The following ABRAXAS1 variants were observed in gnomAD, a reference collection of about 807,000 sequenced individuals.
The protein encoded by ABRAXAS1 is BRCA1-A complex subunit Abraxas 1.
A neutral mutation model predicts 38.4 loss-of-function variants in ABRAXAS1; 26 were observed. The observed-to-expected ratio is 0.68, with a 90% CI of 0.50 to 0.94. ABRAXAS1 has a LOEUF of 0.94. Among genes scored for constraint, ABRAXAS1 ranks in the 40% least tolerant of loss-of-function variants. The pLI is 0.00. For synonymous variants in ABRAXAS1, 144 were observed against 165.5 expected (o/e 0.87, Z 1.00); for missense variants, 438 against 481.9 (o/e 0.91, Z 0.85).
At chr4:83,483,961 G>A in intron 1 of ABRAXAS1, 2 of 915,356 alleles carry the variant, frequency 2.2e-6, no homozygotes, top group Non-Finnish European at 2.6e-6. Flanking sequence ...TACTTTGTAA[G>A]GTTATCTGAA....
chr4:83,482,792 C>T (rs1227036900), intron 1 of ABRAXAS1, among the ~76,000 whole-genome samples: 1 of 152,026 alleles, frequency 6.6e-6, no homozygotes, highest in African/African-American at 2.4e-5. Context: ...CAGATTAGCC[C>T]TGTAGCCCTG....
Position 83,485,038 on chromosome 4 carries a change from C to T in ABRAXAS1, c.35G>A (p.Gly12Asp). ...GAAAGCGAGTGCGCCGAGCACAAAG[C>T]CCGAGAGCACCGCCGACGTACTCTC... ...EGESTSAVLS[G>D]FVLGALAFQH... The change falls in exon 1 of 9, where the codon GGC (glycine) becomes GAC (aspartate). Residue 12 changes from glycine (G) to aspartate (D), a missense_variant. By Grantham distance (94) the Gly-to-Asp change is moderately conservative. This residue lies in a region of ABRAXAS1 where 60 missense variants were observed against 31.1 expected (regional missense o/e 1.93). Coordinates refer to ENST00000321945, the MANE Select transcript of ABRAXAS1 (RefSeq NM_139076.3). 1 of 1,595,876 alleles carries T rather than the reference C, an allele frequency of 6.3e-7. No homozygotes were observed. Among genetic ancestry groups the T allele is most frequent in the Non-Finnish European group, 8.5e-7 (1 of 1,171,892 alleles).
Position 83,461,103 on chromosome 4 carries a change from T to G in ABRAXAS1, c.*1366A>C. On this transcript the variant is annotated 3_prime_UTR_variant, in exon 9 of 9. Coordinates refer to ENST00000321945, the MANE Select transcript of ABRAXAS1 (RefSeq NM_139076.3). Reference sequence around the variant, plus strand: ...TGCTCATTATGTTTTGTCAAGAACTTTAATTATCTCTTTACAGGGTTTATG... The same window carrying G: ...TGCTCATTATGTTTTGTCAAGAACTGTAATTATCTCTTTACAGGGTTTATG... 6.2e-7 allele frequency: 1 copy of G among 1,613,202 alleles called. No homozygotes were observed. The highest frequency in any genetic ancestry group is 8.5e-7 in the Non-Finnish European group (1 of 1,179,330).
At chr4:83,481,333 T>C (rs896201923) in intron 2 of ABRAXAS1, among the ~76,000 whole-genome samples, 1 of 152,162 alleles carries the variant, frequency 6.6e-6, no homozygotes, top group African/African-American at 2.4e-5. Context: ...AACCATTTTT[T>C]TCCCTATGCA....
intron 3 of ABRAXAS1, among the ~76,000 whole-genome samples, chr4:83,472,954 G>C (rs1257072817): frequency 6.6e-6 from 1 of 152,046 alleles, no homozygotes; most frequent in African/African-American, 2.4e-5. Context: ...TATTTTCTAT[G>C]ATGGTTAAAT....
intron 7 of ABRAXAS1, among the ~76,000 whole-genome samples, chr4:83,466,405 C>T (rs1722356254): frequency 6.6e-6 from 1 of 152,200 alleles, no homozygotes; most frequent in Admixed American, 6.5e-5. Context: ...CCCAAATATA[C>T]TTCCCTCTAT....
chr4:83,464,608 A>G (rs1414202934), intron 7 of ABRAXAS1, among the ~76,000 whole-genome samples: 2 of 152,174 alleles, frequency 1.3e-5, no homozygotes, highest in African/African-American at 4.8e-5. Context: ...CCTACTTTTT[A>G]CAAACTTTTT....
intron 1 of ABRAXAS1, chr4:83,484,708 A>C: frequency 1.2e-3 from 325 of 263,072 alleles, no homozygotes; most frequent in Middle Eastern, 3.2e-3. Flanking sequence ...TTCCACAGCT[A>C]CAGGGGCGCC....
rs1017833129 is a variant in ABRAXAS1 at position 83,462,099 on chromosome 4, C to CG, written c.*369_*370insC. The stretch of plus-strand genomic sequence containing the variant: ...TAATAGACATGGTCTCAATACGTTG[C>CG]CCAGGCTGGTCTCTAACTCCTAACT... On this transcript the variant is annotated 3_prime_UTR_variant, in exon 9 of 9. Transcript: ENST00000321945. 2.7e-4 allele frequency: 66 copies of CG among 241,766 alleles called. 1 individual carries two copies. Among genetic ancestry groups the CG allele is most frequent in the African/African-American group, 1.3e-3 (60 of 45,534 alleles). The allele number at this position is 241,766 out of a possible 1,614,324, so 15.0% of individuals were successfully genotyped here. A position where few individuals can be genotyped will look rare whatever the true frequency, so the allele number is the denominator to read the frequency against.
Position 83,470,303 on chromosome 4 carries a change from A to C in ABRAXAS1, c.376T>G (p.Ser126Ala), listed in dbSNP as rs1285144651. ...LLHKNLQEHF[S>A]NQDLVFLLLT... is the part of the protein sequence containing the mutation. Reference sequence around the variant, plus strand: ...AGCAGAAAAACAAGGTCTTGGTTTGAAAAATGCTCCTGCAAGTTTTTGTGA... The same window carrying C: ...AGCAGAAAAACAAGGTCTTGGTTTGCAAAATGCTCCTGCAAGTTTTTGTGA... The change falls in exon 5 of 9, where the codon TCA becomes GCA. Residue 126 changes from serine (S) to alanine (A), a missense_variant. By Grantham distance (99) the Ser-to-Ala change is moderately conservative (BLOSUM62 1). This residue lies in a region of ABRAXAS1 where 194 missense variants were observed against 269.0 expected (regional missense o/e 0.72). Transcript: ENST00000321945. 2 of 1,613,594 alleles carry C rather than the reference A, an allele frequency of 1.2e-6. No homozygotes were observed. Among genetic ancestry groups the C allele is most frequent in the Middle Eastern group, 1.7e-4 (1 of 6,034 alleles).
intron 3 of ABRAXAS1, among the ~76,000 whole-genome samples, chr4:83,473,984 A>C (rs1188498110): frequency 6.7e-6 from 1 of 149,738 alleles, no homozygotes; most frequent in African/African-American, 2.4e-5. Flanking sequence ...ATACACCAAC[A>C]AAAAAAAATT....
Position 83,459,613 on chromosome 4 carries a change from A to T in ABRAXAS1, c.*2856T>A. ...GAGGATAACAATATTTTTTTCTTATATTTTATGAAATGTGTCTGAAATTTA... is the reference window on the plus strand; with the variant it reads ...GAGGATAACAATATTTTTTTCTTATTTTTTATGAAATGTGTCTGAAATTTA... On this transcript the variant is annotated 3_prime_UTR_variant, in exon 9 of 9. Transcript: ENST00000321945. 1.3e-6 allele frequency: 1 copy of T among 767,484 alleles called. No homozygotes were observed. Among genetic ancestry groups the T allele is most frequent in the Non-Finnish European group, 2.1e-6 (1 of 474,750 alleles). The allele number at this position is 767,484 out of a possible 1,614,324, so 47.5% of individuals were successfully genotyped here.
Position 83,485,087 on chromosome 4 carries a change from A to C in ABRAXAS1, c.-15T>G, listed in dbSNP as rs1373169603. ...TCCCCCTCCATGCTACCGCCGCCTCAGGCTACACAAGAGGACGAGGGCGGG... is the reference window on the plus strand; with the variant it reads ...TCCCCCTCCATGCTACCGCCGCCTCCGGCTACACAAGAGGACGAGGGCGGG... On this transcript the variant is annotated 5_prime_UTR_variant, in exon 1 of 9. Transcript: ENST00000321945. 7.6e-6 allele frequency: 12 copies of C among 1,570,598 alleles called. No homozygotes were observed. The highest frequency in any genetic ancestry group is 1.4e-5 in the African/African-American group (1 of 71,192).
In ABRAXAS1 at chr4:83,460,398, A is replaced by G. The variant is rs1243490993; in HGVS notation, c.*2071T>C. 6.6e-6 allele frequency: 1 copy of G among 152,022 alleles called. No individual in the cohort carries two copies. Among genetic ancestry groups the G allele is most frequent in the South Asian group, 2.1e-4 (1 of 4,810 alleles). The allele number at this position is 152,022 out of a possible 1,614,324, so 9.4% of individuals were successfully genotyped here. On this transcript the variant is annotated 3_prime_UTR_variant, in exon 9 of 9. Coordinates refer to ENST00000321945, the MANE Select transcript of ABRAXAS1 (RefSeq NM_139076.3). ...TTGAATTCCTGACCTCAGGTGATCC[A>G]CCTGCCTAGGCCTCCCAAAGTGCTG...
In ABRAXAS1 at chr4:83,470,236, C is replaced by T. The variant is rs760079258; in HGVS notation, c.443G>A (p.Arg148Gln). The stretch of plus-strand genomic sequence containing the variant: ...AGGTTTATATAAGGAATGTTCCAGT[C>T]GATGAGTAGAGCAGCTTTCTGTTAT... ...SIITESCSTH[R>Q]LEHSLYKPQK... Residue 148 changes from arginine to glutamine, a missense_variant, in exon 5 of 9, where the codon CGA becomes CAA. By Grantham distance (43) the Arg-to-Gln change is conservative. Around this residue, in one of 3 missense-constraint regions of ABRAXAS1, gnomAD observed 194 missense variants for 269.0 expected, o/e 0.72. Coordinates refer to ENST00000321945, the MANE Select transcript of ABRAXAS1 (RefSeq NM_139076.3). 4 of 1,613,288 alleles carry T rather than the reference C, an allele frequency of 2.5e-6. No individual in the cohort carries two copies. The highest frequency in any genetic ancestry group is 1.3e-5 in the African/African-American group (1 of 74,874).
In ABRAXAS1 at chr4:83,470,411, A is replaced by G; in HGVS notation, c.283-15T>C. On this transcript the variant is annotated splice_polypyrimidine_tract_variant and intron_variant, in intron 4 of 8. Coordinates refer to ENST00000321945, the MANE Select transcript of ABRAXAS1 (RefSeq NM_139076.3). ...CCTACCACATTCTGAAATACAGAATAAAAAGGATATACATCTTAATAGTTA... is the reference window on the plus strand; with the variant it reads ...CCTACCACATTCTGAAATACAGAATGAAAAGGATATACATCTTAATAGTTA... The G allele has an allele frequency of 6.3e-7, 1 of 1,583,340 alleles. No individual in the cohort carries two copies. Among genetic ancestry groups the G allele is most frequent in the Admixed American group, 1.7e-5 (1 of 59,012 alleles).
chr4:83,459,648 T>C lies in ABRAXAS1; in HGVS notation c.*2821A>G. On this transcript the variant is annotated 3_prime_UTR_variant, in exon 9 of 9. Transcript: ENST00000321945. The stretch of plus-strand genomic sequence containing the variant: ...ATGTGTCTGAAATTTAGTAAAGCTT[T>C]ATATAACCTGAAGGTTGTTTTTTGA... 9.1e-7 allele frequency: 1 copy of C among 1,101,548 alleles called. No homozygotes were observed. The highest frequency in any genetic ancestry group is 2.2e-5 in the Admixed American group (1 of 45,458). The allele number at this position is 1,101,548 out of a possible 1,614,324, so 68.2% of individuals were successfully genotyped here.
intron 2 of ABRAXAS1, among the ~76,000 whole-genome samples, 178 bp from the exon 3 acceptor site, chr4:83,476,857 A>C (rs564914140): frequency 6.6e-6 from 1 of 152,236 alleles, no homozygotes; most frequent in Non-Finnish European, 1.5e-5. Flanking sequence ...AGATGATATA[A>C]CAGGTAAAGA....
rs1171122512 is a variant in ABRAXAS1, at chr4:83,460,922, A to G, written c.*1547T>C. On this transcript the variant is annotated 3_prime_UTR_variant, in exon 9 of 9. Coordinates refer to ENST00000321945, the MANE Select transcript of ABRAXAS1 (RefSeq NM_139076.3). Reference sequence around the variant, plus strand: ...CTCCATCTCAAAAAAAAAAATTGCAAACTTTAAATATTGACATTTTTTATG... The same window carrying G: ...CTCCATCTCAAAAAAAAAAATTGCAGACTTTAAATATTGACATTTTTTATG... The G allele has an allele frequency of 2.6e-6, 4 of 1,552,830 alleles. No individual in the cohort carries two copies. The highest frequency in any genetic ancestry group is 3.5e-6 in the Non-Finnish European group (4 of 1,144,564).
Sources: gnomAD v4.1 joint callset for allele counts (sites outside exome capture counted in the v4.1 genomes callset) on GRCh38, gnomAD v4.1.1 for gene constraint, gnomAD v4.1.1 regional missense constraint, MANE v1.5 for transcripts, NCBI Gene and HGNC (gene_info 2026-07-23, HGNC 2026-07-21) for gene names.